Variants in FAN1 observed in about 807,000 individuals in gnomAD.
FAN1 encodes FANCD2 and FANCI associated nuclease 1, also known as fanconi-associated nuclease 1.
FAN1 carries 91 observed loss-of-function variants against 104.9 expected under a neutral mutation model. That is an observed-to-expected ratio of 0.87 (90% confidence interval 0.73 to 1.03). The LOEUF (loss-of-function observed/expected upper bound fraction) is 1.03, where lower values mean the gene tolerates loss of function less well. FAN1 is among the 50% of genes least tolerant of loss of function. The pLI is 0.00. For synonymous variants in FAN1, 478 were observed against 457.6 expected (o/e 1.04, Z -0.57); for missense variants, 1,263 against 1,239.9 (o/e 1.02, Z -0.28).
chr15:30,926,081 C>G, intron 10 of FAN1, 142 bp downstream of exon 10: 1 of 805,334 alleles, frequency 1.2e-6, no homozygotes, highest in South Asian at 1.7e-5. Flanking sequence ...GGATGTCTTC[C>G]TATTCTTCCC....
In FAN1 at chr15:30,941,475, C is replaced by T. The variant is rs745831063; in HGVS notation, c.*4-91C>T. 7.5e-6 allele frequency: 12 copies of T among 1,602,414 alleles called. No homozygotes were observed. The Admixed American group carries it at 8.5e-5, about 11-fold the overall frequency. On this transcript the variant is annotated intron_variant, in intron 14 of 14. Coordinates refer to ENST00000362065, the MANE Select transcript of FAN1 (RefSeq NM_014967.5). ...TGTTCAGAAAACACCCTATTTTAGT[C>T]TTCATTTGCTAATGTCTCAGTAGAC...
At chr15:30,924,423 T>C (rs1404051776) in intron 8 of FAN1, among the ~76,000 whole-genome samples, 20 of 152,222 alleles carry the variant, frequency 1.3e-4, no homozygotes, top group Admixed American at 1.3e-3. Context: ...TTTTTCACAG[T>C]GTTTACACCA....
intron 4 of FAN1, chr15:30,911,167 C>G (rs1323048812): frequency 9.7e-7 from 1 of 1,028,034 alleles, no homozygotes; most frequent in African/African-American, 1.7e-5. Flanking sequence ...GTTTACTAAA[C>G]AAAGTATAAT....
At chr15:30,941,294 C>CTCTTAAAATAAGTGTGAAAGAAGCATGAT (rs1566941643) in intron 14 of FAN1, 2 of 1,514,102 alleles carry the variant, frequency 1.3e-6, no homozygotes, top group East Asian at 2.5e-5. Flanking sequence ...ATTTACATCT[C>CTCTTAAAATAAGTGTGAAAGAAGCATGAT]TCTTAAAATA....
rs377430472 is a variant in FAN1 at position 30,922,298 on chromosome 15, C to T, written c.2116C>T (p.Arg706Ter). 2.9e-5 allele frequency: 46 copies of T among 1,613,754 alleles called. No homozygotes were observed. Among genetic ancestry groups the T allele is most frequent in the South Asian group, 8.8e-5 (8 of 91,012 alleles). Residue 706 changes from arginine to a stop codon, truncating the protein, a stop_gained, in exon 8 of 15, where the codon CGA becomes TGA. Coordinates refer to ENST00000362065, the MANE Select transcript of FAN1 (RefSeq NM_014967.5). LOFTEE classifies it high-confidence loss of function. Reference protein sequence around the residue: ...QRIYCPDSRGRWWDRLALNLH... With the variant: ...QRIYCPDSRG ...AATTTATTGTCCTGACAGCAGAGGC[C>T]GATGGTGGGATCGACTGGCCCTTAA...
At chr15:30,939,722 T>TA (rs1202073622) in intron 14 of FAN1, 1 of 979,984 alleles carries the variant, frequency 1.0e-6, no homozygotes, top group Non-Finnish European at 1.2e-6. Context: ...TTAGTAATAA[T>TA]AAAAAAGCAG....
chr15:30,915,269 G>A (rs1028073370), intron 5 of FAN1, among the ~76,000 whole-genome samples: 3 of 152,194 alleles, frequency 2.0e-5, no homozygotes, highest in African/African-American at 7.2e-5. Flanking sequence ...CACAGAAGTA[G>A]AGAGTAGAAT....
chr15:30,910,696 G>A lies in FAN1; in HGVS notation c.1458G>A (p.Leu486=). The A allele has an allele frequency of 6.2e-7, 1 of 1,613,914 alleles. No individual in the cohort carries two copies. Among genetic ancestry groups the A allele is most frequent in the Non-Finnish European group, 8.5e-7 (1 of 1,179,956 alleles). ...AATCCCTAGCCAAGACCTTCCACTT[G>A]GTGAATCCCAATGGACAGAAACAGC... ...ELKSLAKTFH[L]VNPNGQKQQL... The change falls in exon 4 of 15, where the codon TTG becomes TTA. Residue 486 remains leucine (L), a synonymous_variant. Transcript: ENST00000362065.
At chr15:30,937,353 C>A in intron 14 of FAN1, 94 bp downstream of exon 14, 3 of 1,217,322 alleles carry the variant, frequency 2.5e-6, no homozygotes, top group Non-Finnish European at 3.4e-6. Flanking sequence ...GCATTATAAA[C>A]CTGATAGTTT....
Position 30,925,871 on chromosome 15 carries a change from C to T in FAN1, c.2420C>T (p.Pro807Leu). The T allele has an allele frequency of 6.2e-7, 1 of 1,614,238 alleles. No homozygotes were observed. The highest frequency in any genetic ancestry group is 1.1e-5 in the South Asian group (1 of 91,092). ...FVMEAGEAAD[P>L]TTVLCSVEEL... ...ATGGAGGCCGGGGAGGCCGCTGACCCCACCACGGTCCTGTGCTCTGTGGAG... is the reference window on the plus strand; with the variant it reads ...ATGGAGGCCGGGGAGGCCGCTGACCTCACCACGGTCCTGTGCTCTGTGGAG... The change falls in exon 10 of 15, where the codon CCC (proline) becomes CTC (leucine). Residue 807 changes from proline (P) to leucine (L), a missense_variant. This residue lies in a region of FAN1 where 581 missense variants were observed against 668.8 expected (regional missense o/e 0.87). Transcript: ENST00000362065.
At chr15:30,941,306 G>A in intron 14 of FAN1, 2 of 1,523,166 alleles carry the variant, frequency 1.3e-6, no homozygotes, top group South Asian at 2.4e-5. Context: ...CTTAAAATAA[G>A]TGTGAAAGAA....
At chr15:30,940,277 C>T (rs200689733) in intron 14 of FAN1, 30,489 of 477,092 alleles carry the variant, frequency 0.064, 478 homozygotes, top group Non-Finnish European at 0.072. Flanking sequence ...TTTGGAAATA[C>T]TTTACTTTAG....
rs2063081354 is a variant in FAN1, at chr15:30,942,300, G to A, written c.*738G>A. The A allele has an allele frequency of 1.3e-5, 8 of 592,680 alleles. No homozygotes were observed. In the South Asian group the frequency reaches 1.5e-4, roughly 11 times the overall value. The allele number at this position is 592,680 out of a possible 1,614,324, so 36.7% of individuals were successfully genotyped here. ...GTTACTATCAGCCTGAATGGGGGCG[G>A]GATGAGAGTACCTCCTATCCACTAA... On this transcript the variant is annotated 3_prime_UTR_variant, in exon 15 of 15. Transcript: ENST00000362065.
At chr15:30,906,888 T>C (rs1214559154) in intron 2 of FAN1, among the ~76,000 whole-genome samples, 1 of 152,136 alleles carries the variant, frequency 6.6e-6, no homozygotes, top group Non-Finnish European at 1.5e-5. Context: ...AGATCTTTGG[T>C]TGGGTGCTGA....
At position 30,942,197 on chromosome 15, in the gene FAN1, C is replaced by A. The variant is rs1289798838; in HGVS notation, c.*635C>A. 3 of 1,193,010 alleles carry A rather than the reference C, an allele frequency of 2.5e-6. No homozygotes were observed. Among genetic ancestry groups the A allele is most frequent in the Non-Finnish European group, 2.3e-6 (2 of 854,272 alleles). 73.9% of individuals were successfully genotyped at this position (1,193,010 alleles called of 1,614,324 possible). Reference sequence around the variant, plus strand: ...GAATTTCAGCCTCAAAGAACATTTTCCTCCCTTCCTTTGTGTCCTTATTCT... The same window carrying A: ...GAATTTCAGCCTCAAAGAACATTTTACTCCCTTCCTTTGTGTCCTTATTCT... On this transcript the variant is annotated 3_prime_UTR_variant, in exon 15 of 15. Coordinates refer to ENST00000362065, the MANE Select transcript of FAN1 (RefSeq NM_014967.5).
Position 30,938,867 on chromosome 15 carries a change from G to A in FAN1, c.*3+1608G>A, listed in dbSNP as rs1028579722. ...CATCCCATGGATGACACAGAAGTAT[G>A]GGTAGGAGAAGATGCCTTCACCTCT... On this transcript the variant is annotated intron_variant, in intron 14 of 14. Transcript: ENST00000362065. 9 of 957,492 alleles carry A rather than the reference G, an allele frequency of 9.4e-6. No homozygotes were observed. In the African/African-American group the frequency reaches 1.4e-4, roughly 15 times the overall value. 59.3% of individuals were successfully genotyped at this position (957,492 alleles called of 1,614,324 possible). A position where few individuals can be genotyped will look rare whatever the true frequency, so the allele number is the denominator to read the frequency against.
chr15:30,936,072 A>C (rs2062844340), intron 13 of FAN1, among the ~76,000 whole-genome samples: 1 of 151,900 alleles, frequency 6.6e-6, no homozygotes, highest in Non-Finnish European at 1.5e-5. Flanking sequence ...TTAGGCTGCT[A>C]AATGCTGTAT....
intron 2 of FAN1, chr15:30,906,456 A>G (rs572020021): frequency 4.4e-6 from 2 of 456,740 alleles, no homozygotes; most frequent in African/African-American, 4.0e-5. Flanking sequence ...ATACTAGTCT[A>G]TGCCTGAAGT....
chr15:30,905,826 A>C lies in FAN1; in HGVS notation c.1163A>C (p.Glu388Ala), dbSNP rs543995680. 2 of 1,614,048 alleles carry C rather than the reference A, an allele frequency of 1.2e-6. No individual in the cohort carries two copies. Among genetic ancestry groups the C allele is most frequent in the Non-Finnish European group, 1.7e-6 (2 of 1,180,004 alleles). ...SFLVVLKTVLENEDDMLLFDE... is the reference protein window; with the variant it reads ...SFLVVLKTVLANEDDMLLFDE... ...CTTGTGGTGCTGAAAACCGTACTTG[A>C]GAATGAAGATGATATGTTGCTCTTT... The change falls in exon 2 of 15, where the codon GAG becomes GCG. Residue 388 changes from glutamate (E) to alanine (A), a missense_variant. By Grantham distance (107) the Glu-to-Ala change is moderately radical (BLOSUM62 -1). Coordinates refer to ENST00000362065, the MANE Select transcript of FAN1 (RefSeq NM_014967.5).
Sources: gnomAD v4.1 joint callset for allele counts (sites outside exome capture counted in the v4.1 genomes callset) on GRCh38, gnomAD v4.1.1 for gene constraint, gnomAD v4.1.1 regional missense constraint, MANE v1.5 for transcripts, NCBI Gene and HGNC (gene_info 2026-07-23, HGNC 2026-07-21) for gene names.